Variants in SMOX observed in about 807,000 individuals in gnomAD.
SMOX encodes flavin containing amine oxidase.
Under a neutral mutation model 51.0 loss-of-function variants are expected in SMOX, and 22 were observed. The ratio of observed to expected loss-of-function variants is 0.43; its 90% confidence interval spans 0.31 to 0.62. SMOX has a LOEUF of 0.62. Ranked by LOEUF, SMOX falls within the 20% of genes least tolerant of loss-of-function variation. SMOX has a pLI of 0.10. For synonymous variants in SMOX, 282 were observed against 307.8 expected, an observed-to-expected ratio of 0.92 and a Z score of 0.88; for missense variants, 566 against 777.7, an observed-to-expected ratio of 0.73 and a Z score of 3.24.
intron 1 of SMOX, among the ~76,000 whole-genome samples, chr20:4,156,230 T>A (rs2122383527): frequency 6.6e-6 from 1 of 152,276 alleles, no homozygotes; most frequent in East Asian, 1.9e-4. Context: ...TTTTTTTAAA[T>A]GACTGCCAAT....
intron 1 of SMOX, among the ~76,000 whole-genome samples, chr20:4,154,461 C>T (rs1156410294): frequency 2.0e-5 from 3 of 151,816 alleles, no homozygotes; most frequent in Admixed American, 6.6e-5. Flanking sequence ...CTGCAACCTT[C>T]GCCTCCTGGA....
chr20:4,154,653 G>A (rs540312845), intron 1 of SMOX, among the ~76,000 whole-genome samples: 116 of 152,294 alleles, frequency 7.6e-4, no homozygotes, highest in African/African-American at 2.6e-3. Flanking sequence ...ATGAACCACT[G>A]TGCCTGGCCT....
At chr20:4,152,441 G>T (rs1985809694) in intron 1 of SMOX, among the ~76,000 whole-genome samples, 1 of 152,094 alleles carries the variant, frequency 6.6e-6, no homozygotes, top group Middle Eastern at 3.2e-3. Flanking sequence ...TGTGTGGCTG[G>T]TACTCTCAGA....
Position 4,187,399 on chromosome 20 carries a change from G to A in SMOX, c.1660G>A (p.Gly554Arg). Reference sequence around the variant, plus strand: ...GATGTACCGAGACCTCTTCCAGCAGGGGACCTGAGGGCTGTCCTCGCTGCT... The same window carrying A: ...GATGTACCGAGACCTCTTCCAGCAGAGGACCTGAGGGCTGTCCTCGCTGCT... Reference protein sequence around the residue: ...IEMYRDLFQQGT With the variant: ...IEMYRDLFQQRT Residue 554 changes from glycine to arginine, a missense_variant, in exon 7 of 7, where the codon GGG becomes AGG. Around this residue, in one of 3 missense-constraint regions of SMOX, gnomAD observed 347 missense variants for 481.8 expected, o/e 0.72. Transcript: ENST00000305958. The surrounding 1 kb of genome is among the most constrained non-coding windows in gnomAD (Gnocchi z 4.8). 6.2e-7 allele frequency: 1 copy of A among 1,613,902 alleles called. No individual in the cohort carries two copies. The highest frequency in any genetic ancestry group is 8.5e-7 in the Non-Finnish European group (1 of 1,179,902).
Position 4,166,303 on chromosome 20 carries a change from T to A in SMOX, c.-26-8727T>A, listed in dbSNP as rs896462686. On this transcript the variant is annotated intron_variant, in intron 1 of 6. Coordinates refer to ENST00000305958, the MANE Select transcript of SMOX (RefSeq NM_175839.3). The surrounding 1 kb of genome is among the most constrained non-coding windows in gnomAD (Gnocchi z 4.2). The stretch of plus-strand genomic sequence containing the variant: ...CTCTACCTGTGTCTCTCTCTGATAC[T>A]GTCATCAAGGCCCTCAGTGAGCTTT... Among the ~76,000 whole-genome samples the A allele has an allele frequency of 2.0e-5, 3 of 152,216 alleles. No homozygotes were observed. Among genetic ancestry groups the A allele is most frequent in the Admixed American group, 6.5e-5 (1 of 15,278 alleles).
chr20:4,180,859 C>A (rs1218038734), intron 3 of SMOX, among the ~76,000 whole-genome samples: 4 of 152,144 alleles, frequency 2.6e-5, no homozygotes, highest in Non-Finnish European at 5.9e-5. Context: ...ATCACGGCAG[C>A]CCAATCGTGG....
chr20:4,155,751 G>A (rs77809508), intron 1 of SMOX, among the ~76,000 whole-genome samples: 9,479 of 152,108 alleles, frequency 0.062, 383 homozygotes, highest in South Asian at 0.2. Context: ...CCTGGGGTGC[G>A]TATCTGAGGA....
At chr20:4,185,957 T>C (rs1979699659) in intron 6 of SMOX, among the ~76,000 whole-genome samples, 1 of 150,964 alleles carries the variant, frequency 6.6e-6, no homozygotes, top group Non-Finnish European at 1.5e-5. Flanking sequence ...AATAAATAAA[T>C]AAATAAAAAG....
In SMOX at chr20:4,182,502, C is replaced by T. The variant is rs149531868; in HGVS notation, c.1023C>T (p.Tyr341=). ...CGCTAGGTGTGCTAAAGAGGCAGTA[C>T]ACCAGTTTCTTCCGGCCAGGCCTGC... ...TVSLGVLKRQ[Y]TSFFRPGLPT... is the part of the protein sequence containing the mutation. Residue 341 remains tyrosine (Y), a synonymous_variant, in exon 5 of 7, where the codon TAC becomes TAT. Coordinates refer to ENST00000305958, the MANE Select transcript of SMOX (RefSeq NM_175839.3). This position sits in a 1 kb window ranked among gnomAD's most constrained non-coding sequence, Gnocchi z 8.4. The T allele has an allele frequency of 1.2e-5, 20 of 1,607,596 alleles. No homozygotes were observed. The African/African-American group carries it at 2.0e-4, about 16-fold the overall frequency.
At chr20:4,151,207 A>G (rs935975317) in intron 1 of SMOX, among the ~76,000 whole-genome samples, 7 of 151,840 alleles carry the variant, frequency 4.6e-5, no homozygotes, top group Non-Finnish European at 8.8e-5. Context: ...TCTTTTCACA[A>G]CGTTGATCTC....
At chr20:4,175,304 A>C in intron 2 of SMOX, 41 bp downstream of exon 2, 1 of 1,583,940 alleles carries the variant, frequency 6.3e-7, no homozygotes, top group Non-Finnish European at 8.6e-7. Flanking sequence ...TCCCCAGGTC[A>C]CCTTTAGTCT....
chr20:4,174,532 G>A (rs1366626523), intron 1 of SMOX, among the ~76,000 whole-genome samples: 1 of 152,102 alleles, frequency 6.6e-6, no homozygotes, highest in Non-Finnish European at 1.5e-5. Flanking sequence ...TTGGCACCAG[G>A]TGGACCACAG....
At chr20:4,179,770 G>A (rs1488405154) in intron 3 of SMOX, among the ~76,000 whole-genome samples, 1 of 152,116 alleles carries the variant, frequency 6.6e-6, no homozygotes, top group Non-Finnish European at 1.5e-5. Flanking sequence ...TGGGCATGGT[G>A]GTACTTACCT....
intron 1 of SMOX, among the ~76,000 whole-genome samples, chr20:4,162,384 T>C (rs1624186): frequency 0.82 from 124,841 of 152,190 alleles, 51,580 homozygotes; most frequent in African/African-American, 0.92. Flanking sequence ...AAAGGGACAG[T>C]GTTGGAATCA....
chr20:4,152,134 C>T (rs191298305), intron 1 of SMOX, among the ~76,000 whole-genome samples: 70 of 152,160 alleles, frequency 4.6e-4, no homozygotes, highest in African/African-American at 1.3e-3. Flanking sequence ...CGAGGGCAGC[C>T]GGTGGGATGT....
intron 1 of SMOX, among the ~76,000 whole-genome samples, chr20:4,168,119 A>AGGGGG (rs1986648702): frequency 7.9e-6 from 1 of 127,238 alleles, no homozygotes; most frequent in Non-Finnish European, 1.7e-5. Context: ...AGAGCGGGGT[A>AGGGGG]GGGGTGGGGG....
In SMOX at chr20:4,181,676, G is replaced by A; in HGVS notation, c.436-127G>A. On this transcript the variant is annotated intron_variant, in intron 3 of 6. Coordinates refer to ENST00000305958, the MANE Select transcript of SMOX (RefSeq NM_175839.3). The surrounding 1 kb of genome is among the most constrained non-coding windows in gnomAD (Gnocchi z 5.6). ...ATTGAGTGCAACATCGGATCCCTAA[G>A]GGACAGAGACCAGGGGCTCAGTGCA... 2 of 1,158,896 alleles carry A rather than the reference G, an allele frequency of 1.7e-6. No individual in the cohort carries two copies. Among genetic ancestry groups the A allele is most frequent in the Non-Finnish European group, 2.4e-6 (2 of 816,392 alleles). The allele number at this position is 1,158,896 out of a possible 1,614,324, so 71.8% of individuals were successfully genotyped here.
chr20:4,183,515 C>T lies in SMOX; in HGVS notation c.1391C>T (p.Pro464Leu). The change falls in exon 6 of 7, where the codon CCT (proline) becomes CTT (leucine). Residue 464 changes from proline to leucine, a missense_variant. By Grantham distance (98) the Pro-to-Leu change is moderately conservative (BLOSUM62 -3). This residue lies in a region of SMOX where 347 missense variants were observed against 481.8 expected (regional missense o/e 0.72). Coordinates refer to ENST00000305958, the MANE Select transcript of SMOX (RefSeq NM_175839.3). This position sits in a 1 kb window ranked among gnomAD's most constrained non-coding sequence, Gnocchi z 4.3. ...QFTGNPNIPKPRRILRSAWGS... is the reference protein window; with the variant it reads ...QFTGNPNIPKLRRILRSAWGS... Reference sequence around the variant, plus strand: ...TCAGGGAACCCCAACATTCCAAAACCTCGGCGAATCTTGCGCTCGGCCTGG... The same window carrying T: ...TCAGGGAACCCCAACATTCCAAAACTTCGGCGAATCTTGCGCTCGGCCTGG... 6.2e-7 allele frequency: 1 copy of T among 1,614,192 alleles called. No homozygotes were observed.
chr20:4,178,911 G>C (rs1177535752), intron 3 of SMOX, among the ~76,000 whole-genome samples: 3 of 152,106 alleles, frequency 2.0e-5, no homozygotes, highest in African/African-American at 7.2e-5. Flanking sequence ...TCGAACTCCT[G>C]ACCTCAGGTG....
Sources: gnomAD v4.1 joint callset for allele counts (sites outside exome capture counted in the v4.1 genomes callset) on GRCh38, gnomAD v4.1.1 for gene constraint, gnomAD v4.1.1 regional missense constraint, Gnocchi (gnomAD v3.1) non-coding constraint, MANE v1.5 for transcripts, NCBI Gene and HGNC (gene_info 2026-07-23, HGNC 2026-07-21) for gene names.